The following NHSL1 variants were observed in gnomAD, a reference collection of about 807,000 sequenced individuals.
NHSL1 encodes the protein NHS like 1.
Under a neutral mutation model 95.0 loss-of-function variants are expected in NHSL1, and 48 were observed. The ratio of observed to expected loss-of-function variants is 0.51; its 90% CI spans 0.40 to 0.64. The LOEUF is 0.64. NHSL1 is among the 30% of genes least tolerant of loss of function. The pLI is 0.00. For synonymous variants in NHSL1, 783 were observed against 833.9 expected (o/e 0.94, Z 1.05); for missense variants, 1,971 against 2,077.7 (o/e 0.95, Z 1.00).
At chr6:138,437,934 G>A (rs1050281508) in intron 5 of NHSL1, among the ~76,000 whole-genome samples, 19 of 152,312 alleles carry the variant, frequency 1.2e-4, no homozygotes, top group African/African-American at 4.6e-4. Context: ...TTACAGATGA[G>A]CAATGAAAAT....
chr6:138,672,322 G>A (rs569597125), intron 1 of NHSL1, among the ~76,000 whole-genome samples: 4 of 152,086 alleles, frequency 2.6e-5, no homozygotes, highest in East Asian at 1.9e-4. Flanking sequence ...TTTTTAAAGC[G>A]TGCAGTAACT....
In NHSL1 at chr6:138,441,935, G is replaced by C. The variant is rs186276286; in HGVS notation, c.664+48C>G. ...CCATGAATGAGGTTAGCGCAGTAAG[G>C]CCGAGCAGCAGTGAAGGGCAACAGA... is the stretch of plus-strand genomic sequence containing the variant. On this transcript the variant is annotated intron_variant, in intron 5 of 7. Transcript: ENST00000343505. 203 of 1,511,540 alleles carry C rather than the reference G, an allele frequency of 1.3e-4. No homozygotes were observed. In the Middle Eastern group the frequency reaches 2.4e-3, roughly 18 times the overall value. 93.6% of individuals were successfully genotyped at this position (1,511,540 alleles called of 1,614,324 possible).
intron 1 of NHSL1, among the ~76,000 whole-genome samples, chr6:138,655,877 G>A (rs1248477291): frequency 3.3e-5 from 5 of 152,228 alleles, no homozygotes; most frequent in Admixed American, 1.3e-4. Context: ...TAGGGCAGCC[G>A]TGTGCCCTGA....
intron 1 of NHSL1, among the ~76,000 whole-genome samples, chr6:138,497,436 G>T (rs1052510487): frequency 1.3e-4 from 20 of 152,254 alleles, no homozygotes; most frequent in Admixed American, 1.0e-3. Context: ...TCCTGACTCT[G>T]ATCTATGCTA....
intron 5 of NHSL1, 68 bp from the exon 6 acceptor site, chr6:138,433,748 A>C: frequency 7.2e-7 from 1 of 1,384,960 alleles, no homozygotes; most frequent in Non-Finnish European, 9.4e-7. Flanking sequence ...GTGTACCCTC[A>C]CCCCTCTGAC....
intron 1 of NHSL1, among the ~76,000 whole-genome samples, chr6:138,652,686 T>C (rs1274609788): frequency 6.6e-6 from 1 of 152,120 alleles, no homozygotes; most frequent in Non-Finnish European, 1.5e-5. Flanking sequence ...ATCATCACTG[T>C]TATTCTCCAA....
At chr6:138,684,041 T>C (rs940355920) in intron 1 of NHSL1, among the ~76,000 whole-genome samples, 1 of 151,722 alleles carries the variant, frequency 6.6e-6, no homozygotes, top group Non-Finnish European at 1.5e-5. Flanking sequence ...TGAAACCCCA[T>C]CTCTACTAAA....
At chr6:138,592,486 TA>T (rs1397155775) in intron 1 of NHSL1, among the ~76,000 whole-genome samples, 2 of 151,998 alleles carry the variant, frequency 1.3e-5, no homozygotes, top group African/African-American at 2.4e-5. Context: ...TAATCCCAGC[TA>T]CTACAGTCTC....
chr6:138,662,996 C>T lies in NHSL1; in HGVS notation c.96+29480G>A, dbSNP rs1177612514. On this transcript the variant is annotated intron_variant, in intron 1 of 3. Transcript: ENST00000491526. ...CCCAGGAACTCTACTTTTAACAATC[C>T]ATTTTCAGGAAATAATAGCCAAGTA... Among the ~76,000 whole-genome samples the T allele has an allele frequency of 2.1e-5, 3 of 142,376 alleles. No individual in the cohort carries two copies. The Admixed American group carries it at 2.2e-4, about 10-fold the overall frequency. The allele number at this position is 142,376 out of a possible 152,430, so 93.4% of individuals were successfully genotyped here.
intron 3 of NHSL1, among the ~76,000 whole-genome samples, chr6:138,471,385 C>T (rs1562304172): frequency 6.6e-6 from 1 of 152,128 alleles, no homozygotes; most frequent in Non-Finnish European, 1.5e-5. Flanking sequence ...AGAAGTCCTA[C>T]TCTGTAATTC....
intron 1 of NHSL1, among the ~76,000 whole-genome samples, chr6:138,663,062 C>CAAAAAA (rs10632082): frequency 0.25 from 31,196 of 126,172 alleles, 4,832 homozygotes; most frequent in East Asian, 0.46. Flanking sequence ...GAACTCACGG[C>CAAAAAA]AAAAAAAAAA....
rs564732550 is a variant in NHSL1 at position 138,581,799 on chromosome 6, T to G, written c.97-85428A>C. Among the ~76,000 whole-genome samples, 5 of 151,678 alleles carry G rather than the reference T, an allele frequency of 3.3e-5. No homozygotes were observed. In the East Asian group the frequency reaches 9.7e-4, roughly 29 times the overall value. ...GCAGTGACACTGGGTTGGTGTGGCC[T>G]CAGGCTCTTACTTTCTGAATCTTGT... is the stretch of plus-strand genomic sequence containing the variant. On this transcript the variant is annotated intron_variant, in intron 1 of 3. Transcript: ENST00000491526.
At chr6:138,471,943 C>G (rs1456795086) in intron 3 of NHSL1, among the ~76,000 whole-genome samples, 1 of 151,714 alleles carries the variant, frequency 6.6e-6, no homozygotes, top group Non-Finnish European at 1.5e-5. Flanking sequence ...CTTTGGGAGG[C>G]TGAGGTGGGC....
chr6:138,446,774 C>T (rs1776888942), intron 4 of NHSL1: 1 of 534,430 alleles, frequency 1.9e-6, no homozygotes, highest in South Asian at 2.5e-5. Context: ...CCACTGAGTT[C>T]TTTGACACCA....
Position 138,559,417 on chromosome 6 carries a change from C to T in NHSL1, c.202+12293G>A, listed in dbSNP as rs11969569. ...CTGCTGCCAACTTTCAAGGCTTATA[C>T]ACCAACGGGGTCCTGGACTAGGGGC... On this transcript the variant is annotated intron_variant, in intron 1 of 6. Transcript: ENST00000427025. 5.1e-3 allele frequency among the ~76,000 whole-genome samples: 770 copies of T among 152,338 alleles called. 9 individuals are homozygous for T. Among genetic ancestry groups the T allele is most frequent in the African/African-American group, 0.018 (730 of 41,578 alleles).
chr6:138,565,358 C>T (rs191954971), intron 1 of NHSL1, among the ~76,000 whole-genome samples: 11 of 152,284 alleles, frequency 7.2e-5, no homozygotes, highest in Admixed American at 2.0e-4. Flanking sequence ...CCTCCCACCT[C>T]GGCCTCCCCA....
At chr6:138,553,859 C>T (rs892947128) in intron 1 of NHSL1, among the ~76,000 whole-genome samples, 1 of 152,200 alleles carries the variant, frequency 6.6e-6, no homozygotes, top group Non-Finnish European at 1.5e-5. Flanking sequence ...ATACCATTCT[C>T]TCTCCAGGCA....
chr6:138,643,586 C>A (rs1784983088), intron 1 of NHSL1, among the ~76,000 whole-genome samples: 1 of 152,198 alleles, frequency 6.6e-6, no homozygotes, highest in African/African-American at 2.4e-5. Flanking sequence ...AAGATGGAAA[C>A]ATACCTGAAT....
chr6:138,539,782 C>G (rs889886503), intron 1 of NHSL1, among the ~76,000 whole-genome samples: 7 of 152,134 alleles, frequency 4.6e-5, no homozygotes, highest in African/African-American at 1.7e-4. Context: ...ACAAGCAGAC[C>G]CCAAGTTCTC....
Sources: gnomAD v4.1 joint callset for allele counts (sites outside exome capture counted in the v4.1 genomes callset) on GRCh38, gnomAD v4.1.1 for gene constraint, MANE v1.5 for transcripts, NCBI Gene and HGNC (gene_info 2026-07-23, HGNC 2026-07-21) for gene names.